Variants in SNX31 observed in about 807,000 individuals in gnomAD.
SNX31 encodes sorting nexin-31.
In SNX31, 58 loss-of-function variants were observed where a neutral mutation model predicts 65.4. That is an observed-to-expected ratio of 0.89 (90% CI 0.72 to 1.10). SNX31 has a LOEUF of 1.10. Ranked by LOEUF, SNX31 falls within the 50% of genes least tolerant of loss-of-function variation. The pLI is 0.00. For missense variants in SNX31, 523 were observed against 529.7 expected (o/e 0.99, Z 0.12); for synonymous variants, 181 against 190.1 (o/e 0.95, Z 0.39).
chr8:100,655,859 A>G (rs1209466479), intron 1 of SNX31, among the ~76,000 whole-genome samples: 1 of 152,194 alleles, frequency 6.6e-6, no homozygotes, highest in African/African-American at 2.4e-5. Flanking sequence ...CATGTGTTCT[A>G]GATGGAGATC....
rs7001509 is a variant in SNX31, at chr8:100,613,108, A to G, written c.433-23T>C. On this transcript the variant is annotated intron_variant, in intron 5 of 13. Coordinates refer to ENST00000311812, the MANE Select transcript of SNX31 (RefSeq NM_152628.4). This position sits in a 1 kb window ranked among gnomAD's most constrained non-coding sequence, Gnocchi z 5.2. ...CACCTTTAACCAGAAACAAGCAGAA[A>G]GGGAAAAAGTTAGGTGTGCCCACCA... The G allele has an allele frequency of 0.075, 120,390 of 1,605,626 alleles. 6,242 individuals carry two copies. The highest frequency in any genetic ancestry group is 0.23 in the African/African-American group (17,204 of 74,636).
intron 12 of SNX31, among the ~76,000 whole-genome samples, chr8:100,581,211 A>T (rs1297402250): frequency 6.6e-6 from 1 of 151,416 alleles, no homozygotes; most frequent in African/African-American, 2.4e-5. Context: ...AAGTAGGAGG[A>T]TCACCTCAGT....
At chr8:100,600,509 TC>T (rs1395364711) in intron 8 of SNX31, 68 bp from the exon 9 acceptor site, 1 of 1,330,106 alleles carries the variant, frequency 7.5e-7, no homozygotes, top group Non-Finnish European at 1.1e-6. Context: ...AAAAACATAC[TC>T]TTGTATGAAG....
chr8:100,609,725 C>G lies in SNX31; in HGVS notation c.612-1162G>C, dbSNP rs960237562. Among the ~76,000 whole-genome samples the G allele has an allele frequency of 6.6e-6, 1 of 152,132 alleles. No individual in the cohort carries two copies. The highest frequency in any genetic ancestry group is 6.5e-5 in the Admixed American group (1 of 15,268). Reference sequence around the variant, plus strand: ...ATGGTGCTTGAAGGTCAACTTCATTCTGGGGTGGGGAGAAGTAACTGAAGC... The same window carrying G: ...ATGGTGCTTGAAGGTCAACTTCATTGTGGGGTGGGGAGAAGTAACTGAAGC... On this transcript the variant is annotated intron_variant, in intron 7 of 13. Transcript: ENST00000311812. The surrounding 1 kb of genome is among the most constrained non-coding windows in gnomAD (Gnocchi z 4.9).
intron 12 of SNX31, among the ~76,000 whole-genome samples, chr8:100,579,076 T>C (rs1018232738): frequency 6.6e-6 from 1 of 152,102 alleles, no homozygotes; most frequent in Non-Finnish European, 1.5e-5. Flanking sequence ...AAATTAACAC[T>C]CTGATGTCTT....
intron 2 of SNX31, among the ~76,000 whole-genome samples, chr8:100,637,600 GATT>G (rs1818868449): frequency 6.6e-6 from 1 of 152,210 alleles, no homozygotes; most frequent in African/African-American, 2.4e-5. Flanking sequence ...CTCTTTTCTA[GATT>G]ATTGCAATCG....
At chr8:100,657,870 C>A in intron 1 of SNX31, 6 of 366,920 alleles carry the variant, frequency 1.6e-5, no homozygotes, top group Middle Eastern at 7.2e-4. Flanking sequence ...GACTCCATCT[C>A]AAAAGAAAAC....
upstream of SNX31, among the ~76,000 whole-genome samples, chr8:100,654,350 T>C (rs2131312431): frequency 6.6e-6 from 1 of 152,250 alleles, no homozygotes; most frequent in South Asian, 2.1e-4. Context: ...GAGACGAAAC[T>C]GAGGTGGAGG....
At chr8:100,592,522 G>A (rs1814680443) in intron 10 of SNX31, among the ~76,000 whole-genome samples, 1 of 152,168 alleles carries the variant, frequency 6.6e-6, no homozygotes, top group Non-Finnish European at 1.5e-5. Context: ...CACTGCTGCT[G>A]GGGATATAAA....
rs563315490 is a variant in SNX31 at position 100,610,636 on chromosome 8, A to G, written c.611+1364T>C. ...ATTCCAGGAACAACTGTGCTCAGCCATTCACTACAGCAAGCAGCTTCCAGA... is the reference window on the plus strand; with the variant it reads ...ATTCCAGGAACAACTGTGCTCAGCCGTTCACTACAGCAAGCAGCTTCCAGA... On this transcript the variant is annotated intron_variant, in intron 7 of 13. Transcript: ENST00000311812. The surrounding 1 kb of genome is among the most constrained non-coding windows in gnomAD (Gnocchi z 4.0). Among the ~76,000 whole-genome samples the G allele has an allele frequency of 6.6e-6, 1 of 152,310 alleles. No individual in the cohort carries two copies. The highest frequency in any genetic ancestry group is 2.4e-5 in the African/African-American group (1 of 41,584).
At chr8:100,581,319 C>CTATATATA (rs1261112864) in intron 12 of SNX31, among the ~76,000 whole-genome samples, 1,916 of 122,450 alleles carry the variant, frequency 0.016, 114 homozygotes, top group African/African-American at 0.069. Flanking sequence ...TTTTATATAT[C>CTATATATA]TATATCTATC....
chr8:100,591,031 T>C (rs548795191), intron 10 of SNX31, among the ~76,000 whole-genome samples: 2 of 152,180 alleles, frequency 1.3e-5, no homozygotes, highest in East Asian at 1.9e-4. Flanking sequence ...GAAGTTGAGA[T>C]TGGAATTTGT....
rs1257502652 is a variant in SNX31 at position 100,648,412 on chromosome 8, C to T, written c.141+862G>A. Among the ~76,000 whole-genome samples the T allele has an allele frequency of 6.6e-6, 1 of 150,690 alleles. No homozygotes were observed. Among genetic ancestry groups the T allele is most frequent in the Non-Finnish European group, 1.5e-5 (1 of 67,900 alleles). On this transcript the variant is annotated intron_variant, in intron 2 of 13. Coordinates refer to ENST00000311812, the MANE Select transcript of SNX31 (RefSeq NM_152628.4). This position sits in a 1 kb window ranked among gnomAD's most constrained non-coding sequence, Gnocchi z 4.3. ...TCTGGGACTCAAGTAATCCTCCTGCCTCAGTCTCCCAAAGTATTGGGATTA... is the reference window on the plus strand; with the variant it reads ...TCTGGGACTCAAGTAATCCTCCTGCTTCAGTCTCCCAAAGTATTGGGATTA...
At chr8:100,636,730 T>TA (rs1211711671) in intron 2 of SNX31, among the ~76,000 whole-genome samples, 1 of 152,128 alleles carries the variant, frequency 6.6e-6, no homozygotes, top group African/African-American at 2.4e-5. Context: ...CTTTCTTTCT[T>TA]TCTTTTTTGA....
rs1299231888 is a variant in SNX31, at chr8:100,594,092, C to T, written c.978+2547G>A. Among the ~76,000 whole-genome samples the T allele has an allele frequency of 1.3e-5, 2 of 151,992 alleles. No homozygotes were observed. The highest frequency in any genetic ancestry group is 2.9e-5 in the Non-Finnish European group (2 of 68,008). On this transcript the variant is annotated intron_variant, in intron 10 of 13. Transcript: ENST00000311812. The surrounding 1 kb of genome is among the most constrained non-coding windows in gnomAD (Gnocchi z 4.0). The stretch of plus-strand genomic sequence containing the variant: ...CCGAAGCAGGCAGATTGTTTGAGGT[C>T]AGGAGTTTGAGACCAGCCAGGACAA...
chr8:100,600,166 C>A (rs1405207290), intron 9 of SNX31, among the ~76,000 whole-genome samples, 183 bp downstream of exon 9: 1 of 152,136 alleles, frequency 6.6e-6, no homozygotes, highest in African/African-American at 2.4e-5. Flanking sequence ...TTTTTAGAAT[C>A]TTTAAACAAT....
intron 3 of SNX31, among the ~76,000 whole-genome samples, chr8:100,635,576 T>A (rs1024597947): frequency 2.9e-4 from 44 of 151,606 alleles, no homozygotes; most frequent in African/African-American, 1.0e-3. Flanking sequence ...AAAAAGGTAT[T>A]TTTAAAACCA....
chr8:100,649,379 G>A lies in SNX31; in HGVS notation c.67-31C>T, dbSNP rs371409423. On this transcript the variant is annotated intron_variant, in intron 1 of 13. Transcript: ENST00000311812. ...AACACACAGACACCCCGTCCCTGGT[G>A]AGCCGAGGGATAAGTGAGCATTGCC... is the stretch of plus-strand genomic sequence containing the variant. The A allele has an allele frequency of 4.5e-5, 73 of 1,612,108 alleles. 1 individual carries two copies. The highest frequency in any genetic ancestry group is 3.3e-4 in the Middle Eastern group (2 of 6,058).
Position 100,613,200 on chromosome 8 carries a change from G to A in SNX31, c.433-115C>T. Reference sequence around the variant, plus strand: ...CACATCAATAAAAAATGCTGTCATGGGTTAGTGAACACTCAAAGAAAGCTT... The same window carrying A: ...CACATCAATAAAAAATGCTGTCATGAGTTAGTGAACACTCAAAGAAAGCTT... On this transcript the variant is annotated intron_variant, in intron 5 of 13. Coordinates refer to ENST00000311812, the MANE Select transcript of SNX31 (RefSeq NM_152628.4). The surrounding 1 kb of genome is among the most constrained non-coding windows in gnomAD (Gnocchi z 5.2). 1.3e-6 allele frequency: 1 copy of A among 768,638 alleles called. No homozygotes were observed. The allele number at this position is 768,638 out of a possible 1,614,324, so 47.6% of individuals were successfully genotyped here.
Sources: allele counts gnomAD v4.1 joint callset (sites outside exome capture counted in the v4.1 genomes callset), GRCh38; gene constraint gnomAD v4.1.1; non-coding constraint Gnocchi (gnomAD v3.1); transcripts MANE v1.5; gene names NCBI Gene and HGNC (gene_info 2026-07-23, HGNC 2026-07-21).